Variants in ZNF469 observed in about 807,000 individuals in gnomAD.
ZNF469 encodes the protein zinc finger protein 469.
A neutral mutation model predicts 1.0 loss-of-function variants in ZNF469; 1 was observed. The observed-to-expected ratio is 1.00, with a 90% CI of 0.35 to 4.73. The LOEUF is 4.73. ZNF469 is among the 30% of genes most tolerant of loss of function. ZNF469 has a pLI of 0.16. For synonymous variants in ZNF469, 2,703 were observed against 2,363.4 expected (o/e 1.14, Z -4.17); for missense variants, 6,100 against 5,356.3 (o/e 1.14, Z -4.33).
Position 88,427,113 on chromosome 16 carries a change from C to T in ZNF469, c.-126-232C>T, listed in dbSNP as rs143033596. Among the ~76,000 whole-genome samples, 1,138 of 152,288 alleles carry T rather than the reference C, an allele frequency of 7.5e-3. 5 individuals carry two copies. The highest frequency in any genetic ancestry group is 0.011 in the Non-Finnish European group (761 of 67,988). ...TCTGCGCTCCACCGCCCCTCTTCTCCCTAAGACAGGGAAGGGTCCCTGTTC... is the reference window on the plus strand; with the variant it reads ...TCTGCGCTCCACCGCCCCTCTTCTCTCTAAGACAGGGAAGGGTCCCTGTTC... On this transcript the variant is annotated intron_variant, in intron 2 of 2. Transcript: ENST00000565624.
chr16:88,149,294 C>T, the ZNF469 span, among the ~76,000 whole-genome samples: 6 of 152,294 alleles, frequency 3.9e-5, no homozygotes, highest in African/African-American at 9.6e-5. Flanking sequence ...GGCCTTCACT[C>T]GGCCAGAGAT....
the ZNF469 span, among the ~76,000 whole-genome samples, chr16:88,127,554 G>A: frequency 1.1e-4 from 16 of 152,274 alleles, no homozygotes; most frequent in Admixed American, 6.5e-4. Context: ...TTCTGGGGCG[G>A]GAGGAGGAGG....
chr16:88,336,342 A>G, the ZNF469 span, among the ~76,000 whole-genome samples: 2 of 151,730 alleles, frequency 1.3e-5, no homozygotes, highest in African/African-American at 4.9e-5. Context: ...ACATGCCAAC[A>G]CCACACATGT....
chr16:88,413,272 C>T lies in ZNF469; in HGVS notation c.-191-11535C>T, dbSNP rs561182000. ...GGAAATGGCTGGGTGCTGAGGCTGG[C>T]GGCCTGGGCAGTGACACTCCAGGAC... On this transcript the variant is annotated intron_variant, in intron 1 of 2. Transcript: ENST00000565624. Among the ~76,000 whole-genome samples the T allele has an allele frequency of 7.2e-5, 11 of 152,206 alleles. 1 individual carries two copies. The highest frequency in any genetic ancestry group is 5.9e-4 in the Admixed American group (9 of 15,280).
the ZNF469 span, among the ~76,000 whole-genome samples, chr16:88,103,084 A>G: frequency 0.23 from 35,689 of 152,218 alleles, 4,733 homozygotes; most frequent in Non-Finnish European, 0.28. Flanking sequence ...TCAGTCGCTA[A>G]AGCTGTTCTC....
At chr16:88,376,507 C>A in the ZNF469 span, among the ~76,000 whole-genome samples, 1 of 152,212 alleles carries the variant, frequency 6.6e-6, no homozygotes, top group Non-Finnish European at 1.5e-5. Flanking sequence ...CCGGGGCCCT[C>A]GCTCTGCCGC....
the ZNF469 span, among the ~76,000 whole-genome samples, chr16:88,109,136 T>C: frequency 6.6e-6 from 1 of 152,190 alleles, no homozygotes; most frequent in Non-Finnish European, 1.5e-5. Flanking sequence ...GGCTGCCGTG[T>C]CACCCCACGT....
chr16:88,400,331 G>A (rs938152474), intron 1 of ZNF469, among the ~76,000 whole-genome samples: 2 of 151,936 alleles, frequency 1.3e-5, no homozygotes, highest in African/African-American at 2.4e-5. Context: ...AGGCCTGGCA[G>A]CTTGAAGCCC....
the ZNF469 span, among the ~76,000 whole-genome samples, chr16:88,208,888 C>T: frequency 6.6e-6 from 1 of 150,574 alleles, no homozygotes; most frequent in Non-Finnish European, 1.5e-5. Flanking sequence ...ACCTGGAATA[C>T]CTGCGAGTCC....
the ZNF469 span, among the ~76,000 whole-genome samples, chr16:88,120,721 G>A: frequency 6.6e-6 from 1 of 152,240 alleles, no homozygotes; most frequent in East Asian, 1.9e-4. Flanking sequence ...CTCCCAGCAC[G>A]GTGGAAGGCC....
the ZNF469 span, among the ~76,000 whole-genome samples, chr16:88,131,881 G>GGCGCCCACCTGCCC: frequency 6.6e-6 from 1 of 151,934 alleles, no homozygotes; most frequent in Non-Finnish European, 1.5e-5. Context: ...GGTGGCTTGG[G>GGCGCCCACCTGCCC]GCGCCCACCT....
the ZNF469 span, among the ~76,000 whole-genome samples, chr16:88,251,537 T>TGTG: frequency 1.1e-5 from 1 of 87,720 alleles, no homozygotes; most frequent in Non-Finnish European, 2.5e-5. Flanking sequence ...GTCCCTGCTG[T>TGTG]CTTTTTTTTT....
the ZNF469 span, among the ~76,000 whole-genome samples, chr16:88,325,949 A>C: frequency 6.6e-6 from 1 of 152,222 alleles, no homozygotes; most frequent in African/African-American, 2.4e-5. Context: ...TGAGCAATAG[A>C]GCTAACAACA....
chr16:88,109,532 C>T, the ZNF469 span, among the ~76,000 whole-genome samples: 170 of 100,922 alleles, frequency 1.7e-3, no homozygotes, highest in Middle Eastern at 7.1e-3. Flanking sequence ...CTGTCTCCTC[C>T]CTGGGATCAG....
chr16:88,334,693 G>A, the ZNF469 span, among the ~76,000 whole-genome samples: 1 of 152,258 alleles, frequency 6.6e-6, no homozygotes, highest in Non-Finnish European at 1.5e-5. Flanking sequence ...AAGATCTCAA[G>A]ATGAGGTTGT....
chr16:88,106,560 G>A, the ZNF469 span, among the ~76,000 whole-genome samples: 1 of 152,368 alleles, frequency 6.6e-6, no homozygotes, highest in East Asian at 1.9e-4. Context: ...CTGTGCCCAC[G>A]TGTCTAGGCC....
the ZNF469 span, among the ~76,000 whole-genome samples, chr16:88,224,697 C>T: frequency 6.6e-6 from 1 of 152,186 alleles, no homozygotes; most frequent in Non-Finnish European, 1.5e-5. Context: ...GCCCGTGTGT[C>T]TCTGTGTGTG....
the ZNF469 span, among the ~76,000 whole-genome samples, chr16:88,262,250 A>G: frequency 6.6e-6 from 1 of 152,220 alleles, no homozygotes; most frequent in Admixed American, 6.5e-5. This position sits in a 1 kb window ranked among gnomAD's most constrained non-coding sequence, Gnocchi z 4.3. Context: ...CTGGAAATAA[A>G]ACACCCTGAA....
At chr16:88,329,550 G>A in the ZNF469 span, among the ~76,000 whole-genome samples, 9 of 152,138 alleles carry the variant, frequency 5.9e-5, no homozygotes, top group Non-Finnish European at 1.2e-4. Flanking sequence ...TTCCCCAGAG[G>A]GGCTCCCTTC....
Sources: gnomAD v4.1 joint callset for allele counts (sites outside exome capture counted in the v4.1 genomes callset) on GRCh38, gnomAD v4.1.1 for gene constraint, Gnocchi (gnomAD v3.1) non-coding constraint, MANE v1.5 for transcripts, NCBI Gene and HGNC (gene_info 2026-07-23, HGNC 2026-07-21) for gene names.